MYLK3: variants seen among roughly 807,000 people sequenced by gnomAD.
The protein encoded by MYLK3 is myosin light chain kinase 3, also known as MLC kinase.
Under a neutral mutation model 76.3 loss-of-function variants are expected in MYLK3, and 55 were observed. The ratio of observed to expected loss-of-function variants is 0.72; its 90% CI spans 0.58 to 0.90. The LOEUF is 0.90. Among genes scored for constraint, MYLK3 ranks in the 40% least tolerant of loss-of-function variants. The probability of loss-of-function intolerance (pLI) is 0.00; values close to 1 mark genes in which losing one functional copy is unlikely to be tolerated. For synonymous variants in MYLK3, 416 were observed against 425.4 expected, an observed-to-expected ratio of 0.98 and a Z score of 0.27; for missense variants, 973 against 1,053.6, an observed-to-expected ratio of 0.92 and a Z score of 1.06.
At chr16:46,751,611 C>G (rs1042224619), upstream of MYLK3, among the ~76,000 whole-genome samples, 2 of 152,090 alleles carry the variant, frequency 1.3e-5, no homozygotes, top group Non-Finnish European at 2.9e-5. Context: ...GAGGAATGAG[C>G]TAAGGAGGAG....
intron 9 of MYLK3, among the ~76,000 whole-genome samples, chr16:46,715,239 T>A (rs1966724855): frequency 6.6e-6 from 1 of 152,218 alleles, no homozygotes; most frequent in African/African-American, 2.4e-5. Flanking sequence ...ATTACAAAAC[T>A]CCTTATCATG....
Position 46,712,656 on chromosome 16 carries a change from G to A in MYLK3, c.2106C>T (p.Thr702=). 1 of 1,538,298 alleles carries A rather than the reference G, an allele frequency of 6.5e-7. No individual in the cohort carries two copies. The highest frequency in any genetic ancestry group is 1.3e-5 in the South Asian group (1 of 79,918). Residue 702 remains threonine, a synonymous_variant, in exon 10 of 13, where the codon ACC becomes ACT. Transcript: ENST00000394809. ...GGGTGCTAAGCACTCACAGCATGTA[G>A]GTGATGACTCCCACACTCCACATGT... is the stretch of plus-strand genomic sequence containing the variant. The part of the protein sequence containing the change: ...PTDMWSVGVI[T]YMLLSGLSPF...
In MYLK3 at chr16:46,748,293, G is replaced by A. The variant is rs149670443; in HGVS notation, c.-100C>T. The A allele has an allele frequency of 5.5e-5, 81 of 1,462,040 alleles. 3 individuals are homozygous for A. In the Middle Eastern group the frequency reaches 3.2e-3, roughly 58 times the overall value. 90.6% of individuals were successfully genotyped at this position (1,462,040 alleles called of 1,614,324 possible). On this transcript the variant is annotated 5_prime_UTR_variant, in exon 1 of 13. It adds an upstream start codon to the 5' untranslated region. Transcript: ENST00000394809. This position sits in a 1 kb window ranked among gnomAD's most constrained non-coding sequence, Gnocchi z 4.3. ...GGTGTCTGCAAGGTCATTGTCCTCC[G>A]TAGCTGACAGACTCCTGGCAGCACC...
intron 1 of MYLK3, among the ~76,000 whole-genome samples, chr16:46,741,351 A>T (rs1372884698): frequency 6.6e-6 from 1 of 152,312 alleles, no homozygotes; most frequent in East Asian, 1.9e-4. Flanking sequence ...TTTTCCTTAA[A>T]TCCAAAGGGT....
chr16:46,755,455 T>C (rs1967185878), intron 1 of MYLK3, among the ~76,000 whole-genome samples: 1 of 146,744 alleles, frequency 6.8e-6, no homozygotes, highest in East Asian at 2.0e-4. Context: ...TGAAACTCTG[T>C]CTCAAAAAAA....
In MYLK3 at chr16:46,702,956, TA is replaced by T. The variant is rs35322648; in HGVS notation, c.*4747del. On this transcript the variant is annotated 3_prime_UTR_variant, in exon 13 of 13. Coordinates refer to ENST00000394809, the MANE Select transcript of MYLK3 (RefSeq NM_182493.3). The stretch of plus-strand genomic sequence containing the variant: ...AAAAAAAAGGAATACATGCTCATTG[TA>T]AAAAAAAAAAAAAAAAAGATTCAAA... Among the ~76,000 whole-genome samples the T allele has an allele frequency of 0.78, 98,549 of 126,070 alleles. 38,433 individuals carry two copies. The highest frequency in any genetic ancestry group is 0.97 in the East Asian group (4,237 of 4,358). The allele number at this position is 126,070 out of a possible 152,430, so 82.7% of individuals were successfully genotyped here. A position where few individuals can be genotyped will look rare whatever the true frequency, so the allele number is the denominator to read the frequency against.
At chr16:46,746,426 T>C (rs1967023449) in intron 1 of MYLK3, among the ~76,000 whole-genome samples, 1 of 152,110 alleles carries the variant, frequency 6.6e-6, no homozygotes, top group Non-Finnish European at 1.5e-5. Context: ...TTAAATTTCT[T>C]TATTTTTTTT....
At chr16:46,736,996 C>T (rs972998761) in intron 3 of MYLK3, among the ~76,000 whole-genome samples, 2 of 152,230 alleles carry the variant, frequency 1.3e-5, no homozygotes, top group Admixed American at 6.5e-5. Flanking sequence ...AGGACTTCTG[C>T]GTGAGCCTGC....
chr16:46,729,337 T>A (rs1966848020), intron 6 of MYLK3, among the ~76,000 whole-genome samples: 1 of 152,068 alleles, frequency 6.6e-6, no homozygotes. Flanking sequence ...ACAGGAAACC[T>A]AAGGCCCAAC....
At chr16:46,715,528 CCTCTTA>C (rs1260449404) in intron 9 of MYLK3, among the ~76,000 whole-genome samples, 4 of 152,178 alleles carry the variant, frequency 2.6e-5, no homozygotes, top group Non-Finnish European at 5.9e-5. Context: ...GGGAAGGCAT[CCTCTTA>C]CTCTGCCAAA....
At position 46,707,597 on chromosome 16, in the gene MYLK3, G is replaced by C; in HGVS notation, c.*107C>G. 1.5e-6 allele frequency: 1 copy of C among 688,174 alleles called. No homozygotes were observed. Among genetic ancestry groups the C allele is most frequent in the Non-Finnish European group, 2.5e-6 (1 of 404,220 alleles). The allele number at this position is 688,174 out of a possible 1,614,324, so 42.6% of individuals were successfully genotyped here. Reference sequence around the variant, plus strand: ...CATAACCATTTTTACAAAATAAGTGGAATCAATAATACCAAAAAGCCAAAT... The same window carrying C: ...CATAACCATTTTTACAAAATAAGTGCAATCAATAATACCAAAAAGCCAAAT... On this transcript the variant is annotated 3_prime_UTR_variant, in exon 13 of 13. Coordinates refer to ENST00000394809, the MANE Select transcript of MYLK3 (RefSeq NM_182493.3).
chr16:46,732,688 G>T lies in MYLK3; in HGVS notation c.1002-20C>A. 6.8e-7 allele frequency: 1 copy of T among 1,472,768 alleles called. No homozygotes were observed. Among genetic ancestry groups the T allele is most frequent in the Non-Finnish European group, 9.0e-7 (1 of 1,115,934 alleles). The allele number at this position is 1,472,768 out of a possible 1,614,324, so 91.2% of individuals were successfully genotyped here. On this transcript the variant is annotated intron_variant, in intron 3 of 12. Coordinates refer to ENST00000394809, the MANE Select transcript of MYLK3 (RefSeq NM_182493.3). ...GAGATCCTGGGGTGGAGAGAAACAT[G>T]GTGCTGAGGTTAGAGGCAAGGACTC...
intron 9 of MYLK3, among the ~76,000 whole-genome samples, chr16:46,719,706 T>G (rs1296333744): frequency 2.0e-5 from 3 of 152,184 alleles, no homozygotes; most frequent in Non-Finnish European, 4.4e-5. Context: ...TGCTGGGCTA[T>G]GCGATGCATC....
At chr16:46,739,809 CT>C (rs1414752050) in intron 2 of MYLK3, among the ~76,000 whole-genome samples, 2 of 152,264 alleles carry the variant, frequency 1.3e-5, no homozygotes, top group East Asian at 3.9e-4. Flanking sequence ...GAATTTTCAA[CT>C]GTGCAGGAAG....
chr16:46,721,617 C>T (rs1966800917), intron 8 of MYLK3, among the ~76,000 whole-genome samples: 1 of 152,212 alleles, frequency 6.6e-6, no homozygotes, highest in South Asian at 2.1e-4. Context: ...ATCCTCCAGC[C>T]TCAGCCTCCC....
chr16:46,762,955 T>G, intron 1 of MYLK3: 1 of 963,528 alleles, frequency 1.0e-6, no homozygotes, highest in Non-Finnish European at 1.2e-6. Context: ...CAAAAGTGTT[T>G]TCTGGTGGGT....
intron 1 of MYLK3, among the ~76,000 whole-genome samples, chr16:46,742,197 T>C (rs1966942136): frequency 6.6e-6 from 1 of 151,248 alleles, no homozygotes; most frequent in South Asian, 2.1e-4. Context: ...ATAATTATTA[T>C]GTAATTACTA....
At chr16:46,748,425 C>T (rs1967068990), upstream of MYLK3, 3 of 708,866 alleles carry the variant, frequency 4.2e-6, no homozygotes, top group East Asian at 5.9e-5. This position sits in a 1 kb window ranked among gnomAD's most constrained non-coding sequence, Gnocchi z 4.3. Flanking sequence ...AGTGACAGGC[C>T]GAGGTCAGCC....
chr16:46,743,394 C>T (rs1966965713), intron 1 of MYLK3, among the ~76,000 whole-genome samples: 2 of 152,306 alleles, frequency 1.3e-5, no homozygotes, highest in Admixed American at 6.5e-5. Flanking sequence ...TCAGCACTGA[C>T]GATGTGTTTA....
Sources: allele counts gnomAD v4.1 joint callset (sites outside exome capture counted in the v4.1 genomes callset), GRCh38; gene constraint gnomAD v4.1.1; non-coding constraint Gnocchi (gnomAD v3.1); transcripts MANE v1.5; gene names NCBI Gene and HGNC (gene_info 2026-07-23, HGNC 2026-07-21).